The following KRT8 variants were observed in gnomAD, a reference collection of about 807,000 sequenced individuals.
KRT8 encodes the protein keratin, type II cytoskeletal 8.
In KRT8, 24 loss-of-function variants were observed where a neutral mutation model predicts 43.0. The observed-to-expected ratio is 0.56, with a 90% CI of 0.40 to 0.78. The LOEUF is 0.78. KRT8 is among the 30% of genes least tolerant of loss of function. The pLI is 0.00. For synonymous variants in KRT8, 214 were observed against 261.2 expected, an observed-to-expected ratio of 0.82 and a Z score of 1.74; for missense variants, 492 against 638.4, an observed-to-expected ratio of 0.77 and a Z score of 2.47.
chr12:52,926,065 G>T (rs1941983765), intron 2 of KRT8, among the ~76,000 whole-genome samples: 2 of 152,104 alleles, frequency 1.3e-5, no homozygotes, highest in South Asian at 4.1e-4. Context: ...CCCCTCTGCA[G>T]AGTGGAAGGG....
chr12:52,908,075 G>A (rs188030532), upstream of KRT8, among the ~76,000 whole-genome samples: 2 of 152,360 alleles, frequency 1.3e-5, no homozygotes, highest in Admixed American at 1.3e-4. Context: ...TGGGCCAAGA[G>A]TGAGGGCCAG....
intron 2 of KRT8, among the ~76,000 whole-genome samples, chr12:52,915,495 G>A (rs1941719057): frequency 6.6e-6 from 1 of 152,026 alleles, no homozygotes; most frequent in African/African-American, 2.4e-5. Context: ...ATCACCTGAG[G>A]TCAGGAGGTC....
rs777157164 is a variant in KRT8 at position 52,949,214 on chromosome 12, G to A, written c.-47+242C>T. On this transcript the variant is annotated intron_variant, in intron 2 of 6. Coordinates refer to the KRT8 transcript ENST00000546826. ...CGCTCCACCTTCTCCACCAACTACC[G>A]GTCCCTGGGCTCTGTCCAGGCGCCC... The A allele has an allele frequency of 2.6e-5, 42 of 1,611,626 alleles. No homozygotes were observed. In the Admixed American group the frequency reaches 6.3e-4, roughly 24 times the overall value.
At position 52,901,292 on chromosome 12, in the gene KRT8, G is replaced by A; in HGVS notation, c.534-73C>T. ...TGCCCTTGGTCTTTTGGGAGACAGG[G>A]GCGTTGTGAAAATCAGGAAAATTCA... On this transcript the variant is annotated intron_variant, in intron 2 of 7. Coordinates refer to ENST00000692008, the Ensembl canonical transcript of KRT8. 3.7e-6 allele frequency: 4 copies of A among 1,074,674 alleles called. No individual in the cohort carries two copies. In the South Asian group the frequency reaches 3.7e-5, roughly 10 times the overall value. The allele number at this position is 1,074,674 out of a possible 1,614,324, so 66.6% of individuals were successfully genotyped here. A position where few individuals can be genotyped will look rare whatever the true frequency, so the allele number is the denominator to read the frequency against.
chr12:52,900,213 GA>G, intron 4 of KRT8, 148 bp from the exon 5 acceptor site: 2 of 734,014 alleles, frequency 2.7e-6, no homozygotes, highest in Non-Finnish European at 4.4e-6. Flanking sequence ...CAAAGTTCCT[GA>G]AAAAGGAACT....
chr12:52,911,408 T>C (rs1941634467), upstream of KRT8, among the ~76,000 whole-genome samples: 1 of 152,074 alleles, frequency 6.6e-6, no homozygotes, highest in Admixed American at 6.6e-5. Context: ...AGCATATTGA[T>C]GGCTGACTAT....
chr12:52,901,739 G>A, intron 2 of KRT8, 125 bp downstream of exon 2: 1 of 742,170 alleles, frequency 1.3e-6, no homozygotes, highest in South Asian at 1.4e-5. Flanking sequence ...CTCATCAGGT[G>A]GTCACCCTAA....
chr12:52,903,971 C>T (rs1941445329), intron 1 of KRT8, among the ~76,000 whole-genome samples: 1 of 151,098 alleles, frequency 6.6e-6, no homozygotes, highest in African/African-American at 2.4e-5. Flanking sequence ...CCCTCGGCCC[C>T]GCCCACGCTG....
At chr12:52,939,148 G>A (rs1942226981) in intron 2 of KRT8, among the ~76,000 whole-genome samples, 1 of 152,276 alleles carries the variant, frequency 6.6e-6, no homozygotes, top group Non-Finnish European at 1.5e-5. Context: ...GTGTTGGTGA[G>A]GATACAGAGC....
chr12:52,897,866 T>G (rs1208802608), intron 7 of KRT8, among the ~76,000 whole-genome samples: 5 of 152,154 alleles, frequency 3.3e-5, no homozygotes, highest in Non-Finnish European at 7.4e-5. Flanking sequence ...CTTCCTCAAC[T>G]GAAGACGTTT....
chr12:52,931,748 C>T (rs548490734), intron 2 of KRT8, among the ~76,000 whole-genome samples: 29 of 151,994 alleles, frequency 1.9e-4, no homozygotes, highest in African/African-American at 4.3e-4. Flanking sequence ...CTGTAAACCC[C>T]GCCTTCCAGT....
chr12:52,945,550 C>T (rs529955000), intron 2 of KRT8, among the ~76,000 whole-genome samples: 3 of 152,294 alleles, frequency 2.0e-5, no homozygotes, highest in Admixed American at 1.3e-4. Flanking sequence ...CTCATCTCTC[C>T]ACCACCTAGT....
intron 2 of KRT8, among the ~76,000 whole-genome samples, chr12:52,917,998 AAGG>A (rs1941779255): frequency 7.1e-6 from 1 of 141,616 alleles, no homozygotes; most frequent in South Asian, 2.5e-4. Flanking sequence ...GAAGGAGAGG[AAGG>A]AGAGGAAGAA....
chr12:52,899,872 T>C (rs773569111), exon 5 of KRT8: 13 of 1,612,550 alleles, frequency 8.1e-6, no homozygotes, highest in Non-Finnish European at 9.3e-6. Context: ...ATCCCCGTGC[T>C]TCCCAGCCAG....
intron 2 of KRT8, among the ~76,000 whole-genome samples, chr12:52,919,353 G>T (rs537232108): frequency 6.6e-6 from 1 of 151,984 alleles, no homozygotes; most frequent in Non-Finnish European, 1.5e-5. Context: ...TGCAACCTTC[G>T]CTTCCCGGGT....
upstream of KRT8, among the ~76,000 whole-genome samples, chr12:52,905,628 C>T (rs181592839): frequency 1.4e-4 from 21 of 152,250 alleles, no homozygotes; most frequent in Admixed American, 9.2e-4. Flanking sequence ...TACTGTTCTA[C>T]CCCTAGCACC....
intron 2 of KRT8, among the ~76,000 whole-genome samples, chr12:52,933,337 A>T (rs1942115159): frequency 6.6e-6 from 1 of 152,362 alleles, no homozygotes; most frequent in Non-Finnish European, 1.5e-5. Flanking sequence ...AAAACATAAA[A>T]TATCTTCCAA....
At chr12:52,912,232 G>A (rs1464592272) in intron 2 of KRT8, among the ~76,000 whole-genome samples, 2 of 152,192 alleles carry the variant, frequency 1.3e-5, no homozygotes, top group African/African-American at 4.8e-5. Context: ...GAAGGCAGGA[G>A]GACTCCTGCA....
At chr12:52,949,351 TCCGGGGGCCTGGCCACCGGGATAG>T (rs748030610) in intron 2 of KRT8, 1 of 1,610,604 alleles carries the variant, frequency 6.2e-7, no homozygotes, top group South Asian at 1.1e-5. Flanking sequence ...CGGCATGGGG[TCCGGGGGCCTGGCCACCGGGATAG>T]CCGGGGGTCT....
Sources: allele counts gnomAD v4.1 joint callset (sites outside exome capture counted in the v4.1 genomes callset), GRCh38; gene constraint gnomAD v4.1.1; transcripts MANE v1.5; gene names NCBI Gene and HGNC (gene_info 2026-07-23, HGNC 2026-07-21).